Variants in SCML4 observed in about 807,000 individuals in gnomAD.
SCML4 encodes the protein Scm polycomb group protein like 4.
In SCML4, 34 loss-of-function variants were observed where a neutral mutation model predicts 41.1. The ratio of observed to expected loss-of-function variants is 0.83; its 90% CI spans 0.63 to 1.10. The LOEUF (loss-of-function observed/expected upper bound fraction) is 1.10, where lower values mean the gene tolerates loss of function less well. SCML4 is among the 50% of genes least tolerant of loss of function. The pLI is 0.00. For synonymous variants in SCML4, 214 were observed against 220.9 expected (o/e 0.97, Z 0.28); for missense variants, 522 against 534.1 (o/e 0.98, Z 0.22).
At chr6:107,736,579 A>G (rs966433476) in intron 5 of SCML4, among the ~76,000 whole-genome samples, 1 of 152,220 alleles carries the variant, frequency 6.6e-6, no homozygotes, top group Non-Finnish European at 1.5e-5. Flanking sequence ...GCTCAGCACT[A>G]TCTGCCAACT....
intron 2 of SCML4, among the ~76,000 whole-genome samples, chr6:107,751,577 T>G (rs534131054): frequency 2.4e-5 from 1 of 41,902 alleles, no homozygotes; most frequent in African/African-American, 9.9e-5. Context: ...TAACAATCTT[T>G]CTTTCTTTCT....
At chr6:107,828,590 G>A (rs192552622), upstream of SCML4, among the ~76,000 whole-genome samples, 321 of 152,252 alleles carry the variant, frequency 2.1e-3, 2 homozygotes, top group African/African-American at 7.2e-3. Context: ...GAAAGAACAC[G>A]AAGAAAAGCT....
At chr6:107,766,234 G>C (rs2114554519) in intron 2 of SCML4, among the ~76,000 whole-genome samples, 1 of 152,164 alleles carries the variant, frequency 6.6e-6, no homozygotes, top group East Asian at 1.9e-4. Context: ...GCCGGGCGTG[G>C]TGGTGCACAC....
At chr6:107,746,619 C>T (rs2032561416) in intron 4 of SCML4, 70 bp downstream of exon 4, 8 of 1,409,272 alleles carry the variant, frequency 5.7e-6, no homozygotes, top group South Asian at 2.5e-5. Context: ...TGTCTCCAGG[C>T]CTGAGTATGG....
In SCML4 at chr6:107,746,505, A is replaced by G. The variant is rs146897312; in HGVS notation, c.487+184T>C. On this transcript the variant is annotated intron_variant, in intron 4 of 7. Coordinates refer to ENST00000369020, the MANE Select transcript of SCML4 (RefSeq NM_198081.5). ...AGAAATCCAGTCTTCTTACCCGGGC[A>G]TGGAATCATCCTCTCCCTGAGCCCT... 3,240 of 525,704 alleles carry G rather than the reference A, an allele frequency of 6.2e-3. 73 individuals are homozygous for G. The highest frequency in any genetic ancestry group is 0.059 in the East Asian group (1,819 of 30,628). The allele number at this position is 525,704 out of a possible 1,614,324, so 32.6% of individuals were successfully genotyped here.
intron 1 of SCML4, among the ~76,000 whole-genome samples, chr6:107,778,339 G>A (rs559146149): frequency 5.6e-4 from 83 of 147,762 alleles, no homozygotes; most frequent in African/African-American, 2.1e-3. Flanking sequence ...GTGGACTTCA[G>A]TGCAGTGAAT....
chr6:107,720,555 A>G, intron 6 of SCML4, 148 bp downstream of exon 6: 1 of 1,420,006 alleles, frequency 7.0e-7, no homozygotes, highest in Non-Finnish European at 9.2e-7. Context: ...GAGAACCTCA[A>G]GATCCATGAA....
chr6:107,764,714 C>T (rs1779892221), intron 2 of SCML4, among the ~76,000 whole-genome samples: 1 of 152,114 alleles, frequency 6.6e-6, no homozygotes, highest in South Asian at 2.1e-4. Flanking sequence ...CACTGTGTCC[C>T]CACCCAAATC....
chr6:107,812,867 A>G (rs1162605290), intron 1 of SCML4, among the ~76,000 whole-genome samples: 1 of 125,002 alleles, frequency 8.0e-6, no homozygotes, highest in Non-Finnish European at 1.7e-5. Context: ...AGAGCTCTTT[A>G]CACACAGACA....
At chr6:107,803,516 C>A (rs1303077567) in intron 1 of SCML4, among the ~76,000 whole-genome samples, 4 of 149,412 alleles carry the variant, frequency 2.7e-5, no homozygotes, top group Admixed American at 2.0e-4. Flanking sequence ...GTGAGGAGCC[C>A]CTCTGCCCGG....
chr6:107,783,964 C>T (rs990453480), intron 1 of SCML4, among the ~76,000 whole-genome samples: 2 of 152,208 alleles, frequency 1.3e-5, no homozygotes, highest in Non-Finnish European at 2.9e-5. Flanking sequence ...GTCCTGCCAC[C>T]TCCTGCCCCT....
chr6:107,778,196 CAAAAAAAAAA>C (rs1171221403), intron 1 of SCML4, among the ~76,000 whole-genome samples: 8 of 7,746 alleles, frequency 1.0e-3, no homozygotes, highest in South Asian at 6.2e-3. Context: ...GACTCTATCT[CAAAAAAAAAA>C]AAAAAAAAAA....
the SCML4 span, among the ~76,000 whole-genome samples, chr6:107,840,965 T>C: frequency 2.0e-5 from 3 of 152,074 alleles, no homozygotes; most frequent in South Asian, 2.1e-4. Context: ...TAATAGTACA[T>C]GAAGATTCTA....
intron 1 of SCML4, among the ~76,000 whole-genome samples, chr6:107,820,754 C>T (rs1274803110): frequency 6.6e-6 from 1 of 152,160 alleles, no homozygotes; most frequent in East Asian, 1.9e-4. Context: ...GGGTTCCCCA[C>T]AGCGATTTAC....
chr6:107,722,654 T>C (rs1301764686), intron 5 of SCML4, among the ~76,000 whole-genome samples: 1 of 152,234 alleles, frequency 6.6e-6, no homozygotes, highest in Non-Finnish European at 1.5e-5. Flanking sequence ...TCTCCATACA[T>C]GGATTCTTCC....
At chr6:107,736,549 G>C (rs1054736870) in intron 5 of SCML4, among the ~76,000 whole-genome samples, 1 of 152,150 alleles carries the variant, frequency 6.6e-6, no homozygotes, top group African/African-American at 2.4e-5. Context: ...TGTGCGCCTC[G>C]CTGCATTACC....
At chr6:107,757,311 G>A (rs1014011884) in intron 2 of SCML4, among the ~76,000 whole-genome samples, 3 of 152,218 alleles carry the variant, frequency 2.0e-5, no homozygotes, top group Non-Finnish European at 2.9e-5. Flanking sequence ...CTAAAGGGGA[G>A]AGGATCGGTT....
rs117915437 is a variant in SCML4, at chr6:107,805,599, G to T, written c.-60+18527C>A. Among the ~76,000 whole-genome samples, 18 of 152,272 alleles carry T rather than the reference G, an allele frequency of 1.2e-4. No homozygotes were observed. In the East Asian group the frequency reaches 3.3e-3, roughly 28 times the overall value. ...GCCCTGGTGTTTCTGTTACATGAAA[G>T]CTGTCAAACTACACTTGAAAAACCC... On this transcript the variant is annotated intron_variant, in intron 1 of 7. Transcript: ENST00000369020.
At chr6:107,820,226 T>C (rs1218599713) in intron 1 of SCML4, among the ~76,000 whole-genome samples, 1 of 152,120 alleles carries the variant, frequency 6.6e-6, no homozygotes, top group Non-Finnish European at 1.5e-5. Context: ...ATGCTAACAT[T>C]TGAAAGATCC....
Sources: allele counts gnomAD v4.1 joint callset (sites outside exome capture counted in the v4.1 genomes callset), GRCh38; gene constraint gnomAD v4.1.1; transcripts MANE v1.5; gene names NCBI Gene and HGNC (gene_info 2026-07-23, HGNC 2026-07-21).